NPTX2: variants seen among roughly 807,000 people sequenced by gnomAD.
NPTX2 encodes the protein neuronal pentraxin 2, also known as neuronal pentraxin-2.
In NPTX2, 23 loss-of-function variants were observed where a neutral mutation model predicts 38.1. The ratio of observed to expected loss-of-function variants is 0.60; its 90% CI spans 0.43 to 0.85. The LOEUF (loss-of-function observed/expected upper bound fraction) is 0.85, where lower values mean the gene tolerates loss of function less well. Among genes scored for constraint, NPTX2 ranks in the 40% least tolerant of loss-of-function variants. NPTX2 has a pLI of 0.00. For synonymous variants in NPTX2, 291 were observed against 287.3 expected, an observed-to-expected ratio of 1.01 and a Z score of -0.13; for missense variants, 553 against 615.3, an observed-to-expected ratio of 0.90 and a Z score of 1.07.
intron 4 of NPTX2, among the ~76,000 whole-genome samples, chr7:98,627,872 T>G (rs1791380209): frequency 6.6e-6 from 1 of 152,146 alleles, no homozygotes; most frequent in Non-Finnish European, 1.5e-5. Flanking sequence ...TAGTGGGTGC[T>G]CAGCCTGTGG....
At chr7:98,620,097 C>G in intron 2 of NPTX2, 2 of 563,962 alleles carry the variant, frequency 3.5e-6, no homozygotes, top group Non-Finnish European at 6.4e-6. Flanking sequence ...GATAAGCAAC[C>G]ACACGGGCGT....
chr7:98,623,416 T>C (rs1791300898), intron 2 of NPTX2, among the ~76,000 whole-genome samples: 1 of 152,146 alleles, frequency 6.6e-6, no homozygotes, highest in African/African-American at 2.4e-5. Context: ...TTCAAGGATT[T>C]TAGAAGTGCC....
chr7:98,617,962 TG>T (rs1342706251), intron 1 of NPTX2, 75 bp downstream of exon 1: 18 of 1,453,968 alleles, frequency 1.2e-5, no homozygotes, highest in Non-Finnish European at 1.6e-5. Flanking sequence ...CTCGGGAGGA[TG>T]GGGAAAGGGG....
intron 4 of NPTX2, among the ~76,000 whole-genome samples, chr7:98,628,090 C>T (rs1421689187): frequency 6.6e-6 from 1 of 152,124 alleles, no homozygotes; most frequent in Admixed American, 6.5e-5. Flanking sequence ...GCCCACTCCT[C>T]CCTCAATTTC....
At chr7:98,626,923 C>G (rs1300932650) in intron 3 of NPTX2, among the ~76,000 whole-genome samples, 1 of 152,186 alleles carries the variant, frequency 6.6e-6, no homozygotes, top group Non-Finnish European at 1.5e-5. Flanking sequence ...GGGTGTTGAC[C>G]CTCACATCTG....
chr7:98,624,491 T>G (rs907050124), intron 2 of NPTX2, among the ~76,000 whole-genome samples: 1 of 152,120 alleles, frequency 6.6e-6, no homozygotes, highest in Non-Finnish European at 1.5e-5. Flanking sequence ...CCACAAAATC[T>G]TCCTTTTCTT....
chr7:98,617,500 G>A lies in NPTX2; in HGVS notation c.39G>A (p.Val13=). The change falls in exon 1 of 5, where the codon GTG becomes GTA. Residue 13 remains valine (V), a synonymous_variant. Coordinates refer to ENST00000265634, the MANE Select transcript of NPTX2 (RefSeq NM_002523.3). ...TGGCCGCCAGCGTGGCGCTCGCCGT[G>A]GCCGCTGGGGCCCAGGACAGCCCGG... The part of the protein sequence containing the change: ...ALLAASVALA[V]AAGAQDSPAP... 7.9e-7 allele frequency: 1 copy of A among 1,270,380 alleles called. No individual in the cohort carries two copies. The highest frequency in any genetic ancestry group is 9.9e-7 in the Non-Finnish European group (1 of 1,008,366). 78.7% of individuals were successfully genotyped at this position (1,270,380 alleles called of 1,614,324 possible).
Position 98,619,628 on chromosome 7 carries a change from C to G in NPTX2, c.427-15C>G, listed in dbSNP as rs543286618. On this transcript the variant is annotated splice_polypyrimidine_tract_variant and intron_variant, in intron 1 of 4. Transcript: ENST00000265634. ...ACTCTTTCTGTGCCCCTCCCTCCTC[C>G]CCGGTGGCTGAAAGCACCAGCTCAG... 237 of 1,601,486 alleles carry G rather than the reference C, an allele frequency of 1.5e-4. No homozygotes were observed. Among genetic ancestry groups the G allele is most frequent in the Non-Finnish European group, 1.9e-4 (228 of 1,170,116 alleles).
intron 2 of NPTX2, among the ~76,000 whole-genome samples, chr7:98,623,034 G>C (rs1791294354): frequency 6.6e-6 from 1 of 152,168 alleles, no homozygotes; most frequent in Admixed American, 6.5e-5. Flanking sequence ...TTGGGGGATT[G>C]TGGTGGAGAA....
intron 1 of NPTX2, among the ~76,000 whole-genome samples, chr7:98,618,558 C>A (rs1791215352): frequency 9.4e-6 from 1 of 105,956 alleles, no homozygotes; most frequent in Non-Finnish European, 1.9e-5. Flanking sequence ...ATTCCCTTCT[C>A]TCTCTCTCTC....
chr7:98,627,316 G>A lies in NPTX2; in HGVS notation c.1040G>A (p.Gly347Glu), dbSNP rs1387610917. 4 of 1,613,672 alleles carry A rather than the reference G, an allele frequency of 2.5e-6. No individual in the cohort carries two copies. Among genetic ancestry groups the A allele is most frequent in the Admixed American group, 1.7e-5 (1 of 60,004 alleles). Residue 347 changes from glycine to glutamate, a missense_variant, in exon 4 of 5, where the codon GGG (glycine) becomes GAG (glutamate). By Grantham distance (98) the Gly-to-Glu change is moderately conservative. Transcript: ENST00000265634. ...GCCCCCTGGCACCCCATCAAGCCCG[G>A]GGGCGTGCTGATCCTTGGACAAGAG... is the stretch of plus-strand genomic sequence containing the variant. Reference protein sequence around the residue: ...NLAPWHPIKPGGVLILGQEQD... With the variant: ...NLAPWHPIKPEGVLILGQEQD...
At chr7:98,626,050 G>T (rs1181265166) in intron 3 of NPTX2, among the ~76,000 whole-genome samples, 1 of 151,346 alleles carries the variant, frequency 6.6e-6, no homozygotes. Flanking sequence ...GGAGGCTGAG[G>T]CAGGAAGATG....
At chr7:98,618,569 T>TCCCCCCCCCCCCCCCC (rs145792464) in intron 1 of NPTX2, among the ~76,000 whole-genome samples, 3 of 30,094 alleles carry the variant, frequency 1.0e-4, no homozygotes, top group Admixed American at 3.3e-4. Flanking sequence ...TCTCTCTCTC[T>TCCCCCCCCCCCCCCCC]CCCCCCCTCC....
chr7:98,627,698 A>T (rs1389790141), intron 4 of NPTX2, among the ~76,000 whole-genome samples: 4 of 152,166 alleles, frequency 2.6e-5, no homozygotes, highest in African/African-American at 9.7e-5. Context: ...GTCATGGGTC[A>T]TCTCGTGACA....
chr7:98,621,298 G>T (rs1044163349), intron 2 of NPTX2, among the ~76,000 whole-genome samples: 3 of 152,074 alleles, frequency 2.0e-5, no homozygotes. Flanking sequence ...TGACCCTTTA[G>T]TTTCCCAGCA....
chr7:98,625,293 G>C, intron 3 of NPTX2, 127 bp downstream of exon 3: 1 of 1,287,638 alleles, frequency 7.8e-7, no homozygotes, highest in Non-Finnish European at 1.1e-6. Context: ...GGGACTGCGG[G>C]GCTGTCCTCC....
Position 98,627,315 on chromosome 7 carries a change from G to A in NPTX2, c.1039G>A (p.Gly347Arg), listed in dbSNP as rs758401502. 3.8e-5 allele frequency: 61 copies of A among 1,613,540 alleles called. No individual in the cohort carries two copies. The highest frequency in any genetic ancestry group is 4.6e-5 in the Non-Finnish European group (54 of 1,179,870). The change falls in exon 4 of 5, where the codon GGG becomes AGG. Residue 347 changes from glycine to arginine, a missense_variant. Coordinates refer to ENST00000265634, the MANE Select transcript of NPTX2 (RefSeq NM_002523.3). The stretch of plus-strand genomic sequence containing the variant: ...GGCCCCCTGGCACCCCATCAAGCCC[G>A]GGGGCGTGCTGATCCTTGGACAAGA... Reference protein sequence around the residue: ...NLAPWHPIKPGGVLILGQEQD... With the variant: ...NLAPWHPIKPRGVLILGQEQD...
intron 2 of NPTX2, among the ~76,000 whole-genome samples, chr7:98,620,786 A>G (rs1401733171): frequency 2.6e-5 from 4 of 152,052 alleles, no homozygotes; most frequent in Non-Finnish European, 5.9e-5. Context: ...ACCCAGGGCT[A>G]TGGAGTTGGC....
chr7:98,623,871 G>A (rs568130787), intron 2 of NPTX2, among the ~76,000 whole-genome samples: 2 of 152,286 alleles, frequency 1.3e-5, no homozygotes, highest in Non-Finnish European at 2.9e-5. Flanking sequence ...GGCTAAGGAC[G>A]CAGTTTCTGG....
Sources: gnomAD v4.1 joint callset for allele counts (sites outside exome capture counted in the v4.1 genomes callset) on GRCh38, gnomAD v4.1.1 for gene constraint, MANE v1.5 for transcripts, NCBI Gene and HGNC (gene_info 2026-07-23, HGNC 2026-07-21) for gene names.